Variants in PHLPP1 observed in about 807,000 individuals in gnomAD.
The protein encoded by PHLPP1 is PH domain leucine-rich repeat-containing protein phosphatase 1.
A neutral mutation model predicts 117.2 loss-of-function variants in PHLPP1; 42 were observed. The ratio of observed to expected loss-of-function variants is 0.36; its 90% CI spans 0.28 to 0.46. The LOEUF (loss-of-function observed/expected upper bound fraction) is 0.46. Among genes scored for constraint, PHLPP1 ranks in the 20% least tolerant of loss-of-function variants. The pLI is 1.00. For synonymous variants in PHLPP1, 1,042 were observed against 970.7 expected, an observed-to-expected ratio of 1.07 and a Z score of -1.37; for missense variants, 2,084 against 2,241.9, an observed-to-expected ratio of 0.93 and a Z score of 1.42.
intron 10 of PHLPP1, among the ~76,000 whole-genome samples, chr18:62,924,831 C>T (rs1474875185): frequency 6.8e-6 from 1 of 148,104 alleles, no homozygotes; most frequent in African/African-American, 2.5e-5. Context: ...AGAGTGTGAC[C>T]GTGTCTCAAA....
Position 62,742,285 on chromosome 18 carries a change from A to C in PHLPP1, c.1576+25026A>C, listed in dbSNP as rs1424298772. Among the ~76,000 whole-genome samples, 3 of 152,120 alleles carry C rather than the reference A, an allele frequency of 2.0e-5. No homozygotes were observed. The East Asian group carries it at 5.8e-4, about 29-fold the overall frequency. ...TTTTTCTGTTCTTCCTATGTACATGACTTTCTTCATCTTTTAGCCACCTAC... is the reference window on the plus strand; with the variant it reads ...TTTTTCTGTTCTTCCTATGTACATGCCTTTCTTCATCTTTTAGCCACCTAC... On this transcript the variant is annotated intron_variant, in intron 1 of 16. Coordinates refer to ENST00000262719, the MANE Select transcript of PHLPP1 (RefSeq NM_194449.4).
chr18:62,881,110 G>A (rs945890238), intron 4 of PHLPP1, among the ~76,000 whole-genome samples: 1 of 151,992 alleles, frequency 6.6e-6, no homozygotes, highest in Non-Finnish European at 1.5e-5. Flanking sequence ...TTCTCTTTAG[G>A]GCTGGTTGTA....
intron 8 of PHLPP1, among the ~76,000 whole-genome samples, chr18:62,914,595 A>G (rs2144418514): frequency 6.6e-6 from 1 of 152,218 alleles, no homozygotes; most frequent in Middle Eastern, 3.4e-3. Context: ...TGCCACCATG[A>G]GCAACTAATT....
At chr18:62,725,808 A>G (rs1398553324) in intron 1 of PHLPP1, among the ~76,000 whole-genome samples, 6 of 152,182 alleles carry the variant, frequency 3.9e-5, no homozygotes, top group African/African-American at 1.2e-4. Flanking sequence ...CTTCCTTTCT[A>G]TGAGAGTTAG....
intron 6 of PHLPP1, among the ~76,000 whole-genome samples, chr18:62,902,512 C>G (rs969534510): frequency 2.6e-5 from 4 of 152,230 alleles, no homozygotes; most frequent in Non-Finnish European, 5.9e-5. Flanking sequence ...CCTGTTCATG[C>G]ATCCTCTCTC....
intron 1 of PHLPP1, among the ~76,000 whole-genome samples, chr18:62,821,548 C>CA (rs1568127680): frequency 0.16 from 4,544 of 29,094 alleles, 684 homozygotes; most frequent in African/African-American, 0.25. Context: ...GACCCTTTAT[C>CA]CAAAAAAAAA....
intron 1 of PHLPP1, among the ~76,000 whole-genome samples, chr18:62,790,700 T>A (rs562327351): frequency 4.3e-4 from 66 of 152,254 alleles, no homozygotes; most frequent in African/African-American, 1.5e-3. Flanking sequence ...GTGGCATGCA[T>A]GCTGGTGGTG....
At position 62,917,396 on chromosome 18, in the gene PHLPP1, T is replaced by TTGTGTGTGTGTGTGTGTGTGTGTGTG; in HGVS notation, c.2804+2402_2804+2427dup. 1.4e-5 allele frequency among the ~76,000 whole-genome samples: 2 copies of TTGTGTGTGTGTGTGTGTGTGTGTGTG among 141,492 alleles called. 1 individual carries two copies. Among genetic ancestry groups the TTGTGTGTGTGTGTGTGTGTGTGTGTG allele is most frequent in the African/African-American group, 5.3e-5 (2 of 37,752 alleles). The allele number at this position is 141,492 out of a possible 152,430, so 92.8% of individuals were successfully genotyped here. ...TGTTAAAGAATTTAAACAGTATTCT[T>TTGTGTGTGTGTGTGTGTGTGTGTGTG]TGTGTGTGTGTGTGTGTGTGTGTGT... On this transcript the variant is annotated intron_variant, in intron 9 of 16. Transcript: ENST00000262719.
intron 1 of PHLPP1, among the ~76,000 whole-genome samples, chr18:62,823,575 A>G (rs1450635945): frequency 8.5e-6 from 1 of 118,188 alleles, no homozygotes; most frequent in Non-Finnish European, 1.7e-5. Flanking sequence ...ATATATATCT[A>G]TATATATCTA....
At chr18:62,764,729 C>A (rs1912406079) in intron 1 of PHLPP1, among the ~76,000 whole-genome samples, 1 of 152,246 alleles carries the variant, frequency 6.6e-6, no homozygotes, top group Non-Finnish European at 1.5e-5. Flanking sequence ...ACTTGTACAA[C>A]TCTTGAAGTG....
chr18:62,855,484 C>T (rs1915470865), intron 3 of PHLPP1, among the ~76,000 whole-genome samples: 1 of 152,180 alleles, frequency 6.6e-6, no homozygotes, highest in Admixed American at 6.5e-5. Context: ...ACTTAAATCT[C>T]CCATTCTGTT....
chr18:62,943,824 TATG>T (rs1910199304), intron 11 of PHLPP1, among the ~76,000 whole-genome samples: 1 of 152,320 alleles, frequency 6.6e-6, no homozygotes, highest in African/African-American at 2.4e-5. Flanking sequence ...TTTTTCAAAA[TATG>T]ATGATAACAT....
chr18:62,973,230 T>G (rs981889104), intron 15 of PHLPP1, among the ~76,000 whole-genome samples: 2 of 152,256 alleles, frequency 1.3e-5, no homozygotes, highest in African/African-American at 4.8e-5. Context: ...TATTAAATGT[T>G]CAAGACAGTG....
Position 62,903,082 on chromosome 18 carries a change from G to C in PHLPP1, c.2563G>C (p.Glu855Gln). The C allele has an allele frequency of 1.2e-6, 2 of 1,613,466 alleles. No homozygotes were observed. The highest frequency in any genetic ancestry group is 2.2e-5 in the South Asian group (2 of 91,060). The change falls in exon 7 of 17, where the codon GAA becomes CAA. Residue 855 changes from glutamate to glutamine, a missense_variant. Around this residue, in one of 2 missense-constraint regions of PHLPP1, gnomAD observed 1,365 missense variants for 1,605.9 expected, o/e 0.85. Coordinates refer to ENST00000262719, the MANE Select transcript of PHLPP1 (RefSeq NM_194449.4). ...AGATGCTATGATTTTCAACAACATTGAAGTTTTACACTGTGAAAGGAATCA... is the reference window on the plus strand; with the variant it reads ...AGATGCTATGATTTTCAACAACATTCAAGTTTTACACTGTGAAAGGAATCA... ...DLDAMIFNNIEVLHCERNQLV... is the reference protein window; with the variant it reads ...DLDAMIFNNIQVLHCERNQLV...
intron 4 of PHLPP1, among the ~76,000 whole-genome samples, chr18:62,884,512 A>G (rs1477410124): frequency 6.6e-6 from 1 of 152,266 alleles, no homozygotes; most frequent in Admixed American, 6.5e-5. Context: ...AGAGCCACTC[A>G]AAGCCATTAG....
rs34800076 is a variant in PHLPP1, at chr18:62,858,262, CTTTTT to C, written c.1900-2159_1900-2155del. 3.1e-5 allele frequency among the ~76,000 whole-genome samples: 4 copies of C among 128,344 alleles called. No individual in the cohort carries two copies. The Admixed American group carries it at 3.2e-4, about 10-fold the overall frequency. The allele number at this position is 128,344 out of a possible 152,430, so 84.2% of individuals were successfully genotyped here. Reference sequence around the variant, plus strand: ...AGCTCAAATATTCCATCAGCAGAACCTTTTTTTTTTTTTTTTTTGAGACACAGCCT... The same window carrying C: ...AGCTCAAATATTCCATCAGCAGAACCTTTTTTTTTTTTTGAGACACAGCCT... On this transcript the variant is annotated intron_variant, in intron 3 of 16. Coordinates refer to ENST00000262719, the MANE Select transcript of PHLPP1 (RefSeq NM_194449.4).
chr18:62,878,543 G>C (rs1916100857), intron 4 of PHLPP1, among the ~76,000 whole-genome samples: 1 of 152,174 alleles, frequency 6.6e-6, no homozygotes, highest in East Asian at 1.9e-4. Flanking sequence ...AGCTTTGAAT[G>C]GGAGGAGTCA....
rs1911362700 is a variant in PHLPP1, at chr18:62,736,134, G to T, written c.1576+18875G>T. ...AACCTCTGCTTGTCCATTCCTGATT[G>T]ATGGTTAGCTGGCCTCTGCTTGTTG... is the stretch of plus-strand genomic sequence containing the variant. On this transcript the variant is annotated intron_variant, in intron 1 of 16. Transcript: ENST00000262719. Among the ~76,000 whole-genome samples the T allele has an allele frequency of 4.6e-5, 7 of 152,214 alleles. No homozygotes were observed. The South Asian group carries it at 1.2e-3, about 27-fold the overall frequency.
chr18:62,850,268 A>G (rs1000840745), intron 3 of PHLPP1, among the ~76,000 whole-genome samples: 1 of 151,298 alleles, frequency 6.6e-6, no homozygotes, highest in Admixed American at 6.6e-5. Flanking sequence ...GGCACCTGTA[A>G]TCCCAGCTAC....
Sources: gnomAD v4.1 joint callset for allele counts (sites outside exome capture counted in the v4.1 genomes callset) on GRCh38, gnomAD v4.1.1 for gene constraint, gnomAD v4.1.1 regional missense constraint, MANE v1.5 for transcripts, NCBI Gene and HGNC (gene_info 2026-07-23, HGNC 2026-07-21) for gene names.